The following NPAS3 variants were observed in gnomAD, a reference collection of about 807,000 sequenced individuals.
NPAS3 encodes the protein neuronal PAS domain protein 3, also known as neuronal PAS domain-containing protein 3.
NPAS3 carries 14 observed loss-of-function variants against 73.1 expected under a neutral mutation model. The ratio of observed to expected loss-of-function variants is 0.19; its 90% CI spans 0.13 to 0.30. NPAS3 has a LOEUF of 0.30. NPAS3 is among the 10% of genes least tolerant of loss of function. NPAS3 has a pLI of 1.00. For missense variants in NPAS3, 1,096 were observed against 1,250.0 expected, an observed-to-expected ratio of 0.88 and a Z score of 1.86; for synonymous variants, 620 against 541.5, an observed-to-expected ratio of 1.14 and a Z score of -2.01.
At chr14:33,734,806 A>T (rs2061483461) in intron 6 of NPAS3, among the ~76,000 whole-genome samples, 1 of 152,152 alleles carries the variant, frequency 6.6e-6, no homozygotes, top group South Asian at 2.1e-4. Context: ...GAGAACAAAG[A>T]GCAAGCCTTC....
At chr14:33,214,330 A>G (rs575315572) in intron 2 of NPAS3, 1 of 152,338 alleles carries the variant, frequency 6.6e-6, no homozygotes, top group African/African-American at 2.4e-5. Flanking sequence ...AGAAATGCAC[A>G]TGAATAGTTG....
chr14:33,506,549 C>T (rs989544352), intron 4 of NPAS3, among the ~76,000 whole-genome samples: 14 of 152,018 alleles, frequency 9.2e-5, no homozygotes, highest in African/African-American at 3.1e-4. Flanking sequence ...CTGGTTACAA[C>T]ATCACAGTCT....
At chr14:33,072,825 T>A (rs1410299221) in intron 2 of NPAS3, among the ~76,000 whole-genome samples, 1 of 152,172 alleles carries the variant, frequency 6.6e-6, no homozygotes, top group Non-Finnish European at 1.5e-5. Flanking sequence ...TAACATCTAG[T>A]CTCTCTTTCT....
chr14:33,323,372 T>C (rs566708632), intron 3 of NPAS3, among the ~76,000 whole-genome samples: 1 of 152,340 alleles, frequency 6.6e-6, no homozygotes, highest in South Asian at 2.1e-4. Context: ...TGAGTAATGG[T>C]TGTTGACTAT....
rs556767180 is a variant in NPAS3, at chr14:33,737,080, G to A, written c.852+1748G>A. Among the ~76,000 whole-genome samples the A allele has an allele frequency of 2.0e-5, 3 of 152,266 alleles. No individual in the cohort carries two copies. The East Asian group carries it at 5.8e-4, about 29-fold the overall frequency. Reference sequence around the variant, plus strand: ...CTAATTAGCATTCTCAATGTCACACGTTGAAGGTGCAGAGCCAGGGTTTGA... The same window carrying A: ...CTAATTAGCATTCTCAATGTCACACATTGAAGGTGCAGAGCCAGGGTTTGA... On this transcript the variant is annotated intron_variant, in intron 7 of 11. Coordinates refer to ENST00000356141, the Ensembl canonical transcript of NPAS3.
chr14:32,981,607 A>G lies in NPAS3; in HGVS notation c.50+42241A>G, dbSNP rs571878896. Among the ~76,000 whole-genome samples, 18 of 152,368 alleles carry G rather than the reference A, an allele frequency of 1.2e-4. No individual in the cohort carries two copies. The East Asian group carries it at 3.1e-3, about 26-fold the overall frequency. ...AAATAACATGTTCTTTTGATTAGAA[A>G]AATACTCAGAAAGTTGACTATTTAA... On this transcript the variant is annotated intron_variant, in intron 1 of 11. Transcript: ENST00000356141.
intron 4 of NPAS3, among the ~76,000 whole-genome samples, chr14:33,486,239 C>T (rs540469875): frequency 9.2e-5 from 14 of 151,934 alleles, no homozygotes; most frequent in Non-Finnish European, 1.3e-4. Context: ...AGTCTAACGG[C>T]GGCCAATTGT....
intron 4 of NPAS3, among the ~76,000 whole-genome samples, chr14:33,399,400 AG>A (rs1029571640): frequency 7.2e-5 from 11 of 152,188 alleles, no homozygotes; most frequent in Admixed American, 6.5e-4. Context: ...GAAAGTATGC[AG>A]GCTGTTTCCT....
chr14:33,364,874 G>T (rs1201772515), intron 3 of NPAS3, among the ~76,000 whole-genome samples: 1 of 151,918 alleles, frequency 6.6e-6, no homozygotes, highest in African/African-American at 2.4e-5. Context: ...GGCCTCCTAA[G>T]TCAGTGAACT....
chr14:33,769,089 C>CA (rs1340594020), intron 7 of NPAS3, among the ~76,000 whole-genome samples: 8 of 152,054 alleles, frequency 5.3e-5, no homozygotes, highest in Non-Finnish European at 7.4e-5. Flanking sequence ...TAGAGAATAA[C>CA]AAAAAACAAA....
chr14:33,792,259 G>A (rs74044741), intron 9 of NPAS3, among the ~76,000 whole-genome samples: 1,872 of 152,054 alleles, frequency 0.012, 35 homozygotes, highest in African/African-American at 0.041. Context: ...TGACAGTTCC[G>A]GGCCTTCAAA....
chr14:33,672,033 A>G (rs2140317980), intron 5 of NPAS3, among the ~76,000 whole-genome samples: 1 of 152,340 alleles, frequency 6.6e-6, no homozygotes, highest in East Asian at 1.9e-4. Context: ...AGGGATAGTT[A>G]AGAAATATTA....
chr14:33,707,301 G>A (rs916255258), intron 6 of NPAS3, among the ~76,000 whole-genome samples: 20 of 151,860 alleles, frequency 1.3e-4, no homozygotes, highest in African/African-American at 3.6e-4. Context: ...GTTCTATTTC[G>A]ACAAGTAGAA....
chr14:33,448,879 T>C (rs970958249), intron 4 of NPAS3, among the ~76,000 whole-genome samples: 7 of 152,064 alleles, frequency 4.6e-5, no homozygotes, highest in Non-Finnish European at 1.0e-4. Context: ...CCAAAATCTG[T>C]CTGCACCAGA....
intron 1 of NPAS3, among the ~76,000 whole-genome samples, chr14:33,041,590 T>C (rs2040349113): frequency 6.6e-6 from 1 of 152,084 alleles, no homozygotes; most frequent in Non-Finnish European, 1.5e-5. Context: ...AAGAAGGAAA[T>C]ACTGTTACCG....
intron 4 of NPAS3, among the ~76,000 whole-genome samples, chr14:33,556,674 G>A (rs1364500571): frequency 6.6e-6 from 1 of 152,184 alleles, no homozygotes; most frequent in African/African-American, 2.4e-5. Flanking sequence ...AATTGTATGG[G>A]AGTGAAGAAG....
At chr14:33,163,435 G>A (rs1222005657) in intron 2 of NPAS3, among the ~76,000 whole-genome samples, 1 of 152,046 alleles carries the variant, frequency 6.6e-6, no homozygotes, top group East Asian at 1.9e-4. Flanking sequence ...AAATTGAGTT[G>A]ATATGTAGAG....
intron 2 of NPAS3, among the ~76,000 whole-genome samples, chr14:33,150,199 T>C (rs2044396573): frequency 6.6e-6 from 1 of 152,202 alleles, no homozygotes; most frequent in South Asian, 2.1e-4. Context: ...TAGCTATTCA[T>C]GTTATTTATT....
intron 2 of NPAS3, among the ~76,000 whole-genome samples, chr14:33,095,260 C>A (rs1595437140): frequency 6.6e-6 from 1 of 152,268 alleles, no homozygotes; most frequent in Admixed American, 6.5e-5. Context: ...TGGACGTGAT[C>A]TACATTTAAT....
Sources: gnomAD v4.1 joint callset for allele counts (sites outside exome capture counted in the v4.1 genomes callset) on GRCh38, gnomAD v4.1.1 for gene constraint, MANE v1.5 for transcripts, NCBI Gene and HGNC (gene_info 2026-07-23, HGNC 2026-07-21) for gene names.